The following COA5 variants were observed in gnomAD, a reference collection of about 807,000 sequenced individuals.
COA5 encodes the protein cytochrome c oxidase assembly factor 5.
COA5 carries 11 observed loss-of-function variants against 11.8 expected under a neutral mutation model. That is an observed-to-expected ratio of 0.93 (90% CI 0.59 to 1.54). The LOEUF is 1.54. Ranked by LOEUF, COA5 falls within the 40% of genes most tolerant of loss-of-function variation. COA5 has a pLI of 0.00. For synonymous variants in COA5, 38 were observed against 37.5 expected (o/e 1.01, Z -0.05); for missense variants, 87 against 89.2 (o/e 0.97, Z 0.10).
At position 98,604,097 on chromosome 2, in the gene COA5, T is replaced by C; in HGVS notation, c.183+11A>G. On this transcript the variant is annotated intron_variant, in intron 2 of 2. Transcript: ENST00000328709. The stretch of plus-strand genomic sequence containing the variant: ...TTTAGCATAGGCTTTTAAAAATCTT[T>C]AACCACTTACCACTGATCTTTTACA... 6.2e-7 allele frequency: 1 copy of C among 1,607,348 alleles called. No individual in the cohort carries two copies. Among genetic ancestry groups the C allele is most frequent in the Non-Finnish European group, 8.5e-7 (1 of 1,173,946 alleles).
intron 1 of COA5, among the ~76,000 whole-genome samples, chr2:98,606,590 T>G (rs1023588917): frequency 6.6e-6 from 1 of 152,242 alleles, no homozygotes; most frequent in Non-Finnish European, 1.5e-5. Flanking sequence ...CATCAGTATT[T>G]GTTCCCTGAA....
Position 98,599,806 on chromosome 2 carries a change from TC to T in COA5, c.*945del, listed in dbSNP as rs1700616069. On this transcript the variant is annotated 3_prime_UTR_variant, in exon 3 of 3. Transcript: ENST00000328709. Reference sequence around the variant, plus strand: ...TCATTCTTGCTTTCTATAGTGAACATCTGTTGTTTCCACTTGCTCTAAACCC... The same window carrying T: ...TCATTCTTGCTTTCTATAGTGAACATTGTTGTTTCCACTTGCTCTAAACCC... The T allele has an allele frequency of 6.6e-6, 1 of 152,290 alleles. No homozygotes were observed. Among genetic ancestry groups the T allele is most frequent in the African/African-American group, 2.4e-5 (1 of 41,468 alleles). The allele number at this position is 152,290 out of a possible 1,614,324, so 9.4% of individuals were successfully genotyped here. A position where few individuals can be genotyped will look rare whatever the true frequency, so the allele number is the denominator to read the frequency against.
In COA5 at chr2:98,608,302, G is replaced by A. The variant is rs747126563; in HGVS notation, c.99+5C>T. ...GTCACCACCGGGAGCGCCCGGCCGCGCTACCTGGACCACACAGTCCGACTG... is the reference window on the plus strand; with the variant it reads ...GTCACCACCGGGAGCGCCCGGCCGCACTACCTGGACCACACAGTCCGACTG... On this transcript the variant is annotated splice_donor_5th_base_variant and intron_variant, in intron 1 of 2. Coordinates refer to ENST00000328709, the MANE Select transcript of COA5 (RefSeq NM_001008215.3). The A allele has an allele frequency of 1.3e-6, 2 of 1,591,546 alleles. No individual in the cohort carries two copies. Among genetic ancestry groups the A allele is most frequent in the African/African-American group, 1.3e-5 (1 of 74,656 alleles).
Position 98,600,673 on chromosome 2 carries a change from T to A in COA5, c.*79A>T, listed in dbSNP as rs183522750. ...AACCAAACAGATGTAGTAAAAAGTA[T>A]GTTTCCTGTTTTGGCTTCTTTGTGT... On this transcript the variant is annotated 3_prime_UTR_variant, in exon 3 of 3. Transcript: ENST00000328709. 8.1e-7 allele frequency: 1 copy of A among 1,234,658 alleles called. No individual in the cohort carries two copies. The highest frequency in any genetic ancestry group is 1.5e-5 in the African/African-American group (1 of 67,300). The allele number at this position is 1,234,658 out of a possible 1,614,324, so 76.5% of individuals were successfully genotyped here. A position where few individuals can be genotyped will look rare whatever the true frequency, so the allele number is the denominator to read the frequency against.
chr2:98,600,638 A>C lies in COA5; in HGVS notation c.*114T>G. The C allele has an allele frequency of 1.2e-6, 1 of 862,038 alleles. No homozygotes were observed. Among genetic ancestry groups the C allele is most frequent in the Non-Finnish European group, 1.9e-6 (1 of 520,614 alleles). 53.4% of individuals were successfully genotyped at this position (862,038 alleles called of 1,614,324 possible). ...TTTCTTCAGTGTTCCACGGAGGGGA[A>C]ATCTGGTCCAACCAAACAGATGTAG... On this transcript the variant is annotated 3_prime_UTR_variant, in exon 3 of 3. Transcript: ENST00000328709.
At position 98,600,472 on chromosome 2, in the gene COA5, A is replaced by G; in HGVS notation, c.*280T>C. 4.3e-6 allele frequency: 2 copies of G among 464,676 alleles called. No homozygotes were observed. Among genetic ancestry groups the G allele is most frequent in the Non-Finnish European group, 7.9e-6 (2 of 254,608 alleles). 28.8% of individuals were successfully genotyped at this position (464,676 alleles called of 1,614,324 possible). ...CAAGTTTGCAAATAACAGTCTTTCC[A>G]TTTTCTGTGCTTTAGAACAATTCTC... On this transcript the variant is annotated 3_prime_UTR_variant, in exon 3 of 3. Coordinates refer to ENST00000328709, the MANE Select transcript of COA5 (RefSeq NM_001008215.3).
chr2:98,600,503 A>C lies in COA5; in HGVS notation c.*249T>G, dbSNP rs1250699972. On this transcript the variant is annotated 3_prime_UTR_variant, in exon 3 of 3. Coordinates refer to ENST00000328709, the MANE Select transcript of COA5 (RefSeq NM_001008215.3). ...TGTGCTTTAGAACAATTCTCAAAACACATTTATTATGCTCCCAACCCATAC... is the reference window on the plus strand; with the variant it reads ...TGTGCTTTAGAACAATTCTCAAAACCCATTTATTATGCTCCCAACCCATAC... 1 of 526,342 alleles carries C rather than the reference A, an allele frequency of 1.9e-6. No homozygotes were observed. 32.6% of individuals were successfully genotyped at this position (526,342 alleles called of 1,614,324 possible). A position where few individuals can be genotyped will look rare whatever the true frequency, so the allele number is the denominator to read the frequency against.
rs1016260715 is a variant in COA5 at position 98,600,557 on chromosome 2, T to C, written c.*195A>G. The C allele has an allele frequency of 5.0e-6, 3 of 600,974 alleles. No homozygotes were observed. The highest frequency in any genetic ancestry group is 2.8e-5 in the Admixed American group (1 of 35,230). The allele number at this position is 600,974 out of a possible 1,614,324, so 37.2% of individuals were successfully genotyped here. A position where few individuals can be genotyped will look rare whatever the true frequency, so the allele number is the denominator to read the frequency against. ...TTCAATTAGGTTTTTCTTCTAAAAA[T>C]AACTTGGATCAAGAGAATCATTTAC... On this transcript the variant is annotated 3_prime_UTR_variant, in exon 3 of 3. Coordinates refer to ENST00000328709, the MANE Select transcript of COA5 (RefSeq NM_001008215.3).
chr2:98,607,939 C>T (rs770633342), intron 1 of COA5, among the ~76,000 whole-genome samples: 2 of 152,216 alleles, frequency 1.3e-5, no homozygotes, highest in African/African-American at 2.4e-5. Context: ...ACCAGGTTTA[C>T]GCAACTCTCT....
At chr2:98,601,533 T>C (rs1207992261) in intron 2 of COA5, among the ~76,000 whole-genome samples, 1 of 152,172 alleles carries the variant, frequency 6.6e-6, no homozygotes, top group Non-Finnish European at 1.5e-5. Context: ...AGCCTCACAG[T>C]GCAGTCATTT....
rs1700612015 is a variant in COA5 at position 98,599,537 on chromosome 2, A to G, written c.*1215T>C. On this transcript the variant is annotated 3_prime_UTR_variant, in exon 3 of 3. Coordinates refer to ENST00000328709, the MANE Select transcript of COA5 (RefSeq NM_001008215.3). ...CAGACCTTTGTGATATTCTGCAACA[A>G]TGACCCATATTGCTGTGGAATTCTC... The G allele has an allele frequency of 6.6e-6, 1 of 152,204 alleles. No individual in the cohort carries two copies. Among genetic ancestry groups the G allele is most frequent in the African/African-American group, 2.4e-5 (1 of 41,442 alleles). 9.4% of individuals were successfully genotyped at this position (152,204 alleles called of 1,614,324 possible).
Position 98,600,687 on chromosome 2 carries a change from GCTT to G in COA5, c.*62_*64del, listed in dbSNP as rs1700629653. On this transcript the variant is annotated 3_prime_UTR_variant, in exon 3 of 3. Coordinates refer to ENST00000328709, the MANE Select transcript of COA5 (RefSeq NM_001008215.3). The stretch of plus-strand genomic sequence containing the variant: ...AGTAAAAAGTATGTTTCCTGTTTTG[GCTT>G]CTTTGTGTTAATGACCAGGGAAAAT... 12 of 1,421,530 alleles carry G rather than the reference GCTT, an allele frequency of 8.4e-6. No homozygotes were observed. The highest frequency in any genetic ancestry group is 9.8e-7 in the Non-Finnish European group (1 of 1,016,398). 88.1% of individuals were successfully genotyped at this position (1,421,530 alleles called of 1,614,324 possible).
At position 98,608,457 on chromosome 2, in the gene COA5, G is replaced by A. The variant is rs542112716; in HGVS notation, c.-52C>T. On this transcript the variant is annotated 5_prime_UTR_variant, in exon 1 of 3. Transcript: ENST00000328709. ...GCGACTTTCTCCCACCGCAACACTT[G>A]CAACCGGGTCGGGAGCGAGCGAGGC... is the stretch of plus-strand genomic sequence containing the variant. The A allele has an allele frequency of 1.4e-6, 2 of 1,387,190 alleles. No homozygotes were observed. Among genetic ancestry groups the A allele is most frequent in the Non-Finnish European group, 2.0e-6 (2 of 1,002,870 alleles). The allele number at this position is 1,387,190 out of a possible 1,614,324, so 85.9% of individuals were successfully genotyped here. A position where few individuals can be genotyped will look rare whatever the true frequency, so the allele number is the denominator to read the frequency against.
At chr2:98,608,118 G>C (rs922929233) in intron 1 of COA5, 189 bp downstream of exon 1, 19 of 611,100 alleles carry the variant, frequency 3.1e-5, no homozygotes, top group Non-Finnish European at 3.5e-5. Context: ...CGTTATCTCC[G>C]ATTTAACCCC....
At chr2:98,605,910 G>A (rs887107302) in intron 1 of COA5, 2 of 152,242 alleles carry the variant, frequency 1.3e-5, no homozygotes, top group Non-Finnish European at 2.9e-5. Context: ...CTCTTCAAGA[G>A]ATGCCTTTTG....
At chr2:98,604,625 A>C (rs76525766) in intron 1 of COA5, 3 of 182,702 alleles carry the variant, frequency 1.6e-5, no homozygotes, top group Non-Finnish European at 3.4e-5. Flanking sequence ...CATGCACCAG[A>C]AAAAATATAA....
At chr2:98,600,971 CACA>C (rs1381412638) in intron 2 of COA5, among the ~76,000 whole-genome samples, 178 bp from the exon 3 acceptor site, 2 of 152,136 alleles carry the variant, frequency 1.3e-5, no homozygotes, top group African/African-American at 4.8e-5. Context: ...ATTGGCAGGG[CACA>C]GTGGCTCATG....
Position 98,608,455 on chromosome 2 carries a change from T to A in COA5, c.-50A>T. ...ACGCGACTTTCTCCCACCGCAACAC[T>A]TGCAACCGGGTCGGGAGCGAGCGAG... On this transcript the variant is annotated 5_prime_UTR_variant, in exon 1 of 3. In the 5' UTR this introduces an upstream ATG that the reference lacks. Coordinates refer to ENST00000328709, the MANE Select transcript of COA5 (RefSeq NM_001008215.3). The A allele has an allele frequency of 7.2e-7, 1 of 1,397,178 alleles. No homozygotes were observed. The highest frequency in any genetic ancestry group is 9.9e-7 in the Non-Finnish European group (1 of 1,011,344). 86.5% of individuals were successfully genotyped at this position (1,397,178 alleles called of 1,614,324 possible).
intron 1 of COA5, among the ~76,000 whole-genome samples, chr2:98,608,091 C>T (rs940433118): frequency 7.2e-5 from 11 of 152,232 alleles, no homozygotes; most frequent in African/African-American, 2.4e-4. Context: ...TACAAAAACC[C>T]GACAGGGTGC....
Sources: gnomAD v4.1 joint callset for allele counts (sites outside exome capture counted in the v4.1 genomes callset) on GRCh38, gnomAD v4.1.1 for gene constraint, MANE v1.5 for transcripts, NCBI Gene and HGNC (gene_info 2026-07-23, HGNC 2026-07-21) for gene names.